Variants in RBM33 observed in about 807,000 individuals in gnomAD.
The protein encoded by RBM33 is RNA binding motif protein 33.
A neutral mutation model predicts 132.6 loss-of-function variants in RBM33; 28 were observed. That is an observed-to-expected ratio of 0.21 (90% CI 0.16 to 0.29). The LOEUF (loss-of-function observed/expected upper bound fraction) is 0.29, where lower values mean the gene tolerates loss of function less well. Ranked by LOEUF, RBM33 falls within the 10% of genes least tolerant of loss-of-function variation. RBM33 has a pLI of 1.00. For synonymous variants in RBM33, 634 were observed against 593.0 expected (o/e 1.07, Z -1.01); for missense variants, 1,291 against 1,518.5 (o/e 0.85, Z 2.49).
intron 16 of RBM33, among the ~76,000 whole-genome samples, chr7:155,771,221 T>A (rs1172545035): frequency 2.0e-5 from 3 of 152,214 alleles, no homozygotes; most frequent in African/African-American, 7.2e-5. Flanking sequence ...TGTGTAGACG[T>A]GTATATTTTC....
At chr7:155,758,349 T>C (rs551367990) in intron 14 of RBM33, among the ~76,000 whole-genome samples, 3 of 152,294 alleles carry the variant, frequency 2.0e-5, no homozygotes, top group Admixed American at 1.3e-4. Flanking sequence ...GAAGACAGTT[T>C]TTCCGTGGAC....
chr7:155,670,319 T>C (rs1798911714), intron 2 of RBM33, among the ~76,000 whole-genome samples: 1 of 152,248 alleles, frequency 6.6e-6, no homozygotes, highest in African/African-American at 2.4e-5. Context: ...CACTTACTGC[T>C]GCTGCCAGCC....
At chr7:155,762,340 A>C (rs1264571194) in intron 14 of RBM33, among the ~76,000 whole-genome samples, 1 of 152,196 alleles carries the variant, frequency 6.6e-6, no homozygotes, top group East Asian at 1.9e-4. Context: ...GGGGAACTTC[A>C]GGCCTTACTG....
intron 14 of RBM33, chr7:155,746,547 G>A (rs1801522254): frequency 1.3e-5 from 2 of 152,196 alleles, no homozygotes; most frequent in Admixed American, 1.3e-4. Flanking sequence ...GATAGGTTCA[G>A]TACTCTAAAA....
At chr7:155,704,262 AT>A (rs1322802063) in intron 6 of RBM33, among the ~76,000 whole-genome samples, 2 of 152,196 alleles carry the variant, frequency 1.3e-5, no homozygotes, top group African/African-American at 4.8e-5. Flanking sequence ...TAAGATCTTA[AT>A]TGACTAGCTT....
chr7:155,724,994 G>T (rs573715147), intron 9 of RBM33, among the ~76,000 whole-genome samples: 5,553 of 89,616 alleles, frequency 0.062, 118 homozygotes, highest in African/African-American at 0.2. Flanking sequence ...ACAGGTTTGT[G>T]TGTGTGTGTG....
At chr7:155,737,773 A>G (rs566471810) in intron 10 of RBM33, 111 bp downstream of exon 10, 1 of 1,254,462 alleles carries the variant, frequency 8.0e-7, no homozygotes, top group East Asian at 2.6e-5. Context: ...GATGTTAGGA[A>G]TGCCAGGTTT....
chr7:155,752,617 G>C (rs1801718493), intron 14 of RBM33, among the ~76,000 whole-genome samples: 1 of 152,196 alleles, frequency 6.6e-6, no homozygotes, highest in Non-Finnish European at 1.5e-5. Flanking sequence ...ACTGAGTTGA[G>C]AGCTGGGCAG....
At chr7:155,719,592 A>G (rs1800563196) in intron 9 of RBM33, among the ~76,000 whole-genome samples, 1 of 152,148 alleles carries the variant, frequency 6.6e-6, no homozygotes, top group Non-Finnish European at 1.5e-5. Context: ...ATTAGATGAT[A>G]TTTATTGGGT....
rs1276256770 is a variant in RBM33 at position 155,774,075 on chromosome 7, C to G, written c.3376-484C>G. 6.6e-6 allele frequency among the ~76,000 whole-genome samples: 1 copy of G among 152,230 alleles called. No homozygotes were observed. The highest frequency in any genetic ancestry group is 1.5e-5 in the Non-Finnish European group (1 of 68,046). On this transcript the variant is annotated intron_variant, in intron 16 of 17. Coordinates refer to ENST00000401878, the MANE Select transcript of RBM33 (RefSeq NM_053043.3). The surrounding 1 kb of genome is among the most constrained non-coding windows in gnomAD (Gnocchi z 4.2). ...CACCACTGCCCTCACCATGGCCCAG[C>G]CAGATGCACAGAGATGGTAGACTAG...
At chr7:155,714,008 G>C (rs1391278508) in intron 8 of RBM33, among the ~76,000 whole-genome samples, 3 of 152,014 alleles carry the variant, frequency 2.0e-5, no homozygotes, top group East Asian at 3.9e-4. Flanking sequence ...GAGCTAGAGT[G>C]GGGAGGTAGG....
chr7:155,728,609 C>CTTA (rs1800862115), intron 9 of RBM33, among the ~76,000 whole-genome samples: 1 of 152,110 alleles, frequency 6.6e-6, no homozygotes, highest in African/African-American at 2.4e-5. Context: ...ATTTCTTTTA[C>CTTA]TTATTAAAGC....
In RBM33 at chr7:155,742,000, C is replaced by T. The variant is rs371107776; in HGVS notation, c.2231C>T (p.Ser744Leu). ...CCTATCGTCAGCGCGTCACCACCCT[C>T]GCGGGCCGTGGCGGGTTCCAGAAGC... is the stretch of plus-strand genomic sequence containing the variant. ...VKPIVSASPP[S>L]RAVAGSRSSQ... is the part of the protein sequence containing the mutation. Residue 744 changes from serine (S) to leucine (L), a missense_variant, in exon 13 of 18, where the codon TCG becomes TTG. Physicochemically the swap from Ser to Leu is moderately radical, Grantham distance 145. Around this residue, in one of 7 missense-constraint regions of RBM33, gnomAD observed 841 missense variants for 912.0 expected, o/e 0.92. Coordinates refer to ENST00000401878, the MANE Select transcript of RBM33 (RefSeq NM_053043.3). 60 of 1,613,890 alleles carry T rather than the reference C, an allele frequency of 3.7e-5. No homozygotes were observed. The highest frequency in any genetic ancestry group is 1.6e-4 in the Middle Eastern group (1 of 6,084).
chr7:155,708,439 C>T (rs1186526392), intron 7 of RBM33, among the ~76,000 whole-genome samples: 3 of 152,168 alleles, frequency 2.0e-5, no homozygotes, highest in African/African-American at 7.2e-5. Context: ...AACTCTCATA[C>T]GAGGCCAGTG....
intron 6 of RBM33, among the ~76,000 whole-genome samples, chr7:155,706,530 G>A (rs937076349): frequency 1.3e-5 from 2 of 152,194 alleles, no homozygotes; most frequent in African/African-American, 4.8e-5. Flanking sequence ...ATGCCTTGTC[G>A]TGTGAGGGCA....
intron 5 of RBM33, among the ~76,000 whole-genome samples, chr7:155,694,939 G>T (rs1362291939): frequency 6.6e-6 from 1 of 152,136 alleles, no homozygotes; most frequent in African/African-American, 2.4e-5. Context: ...TGCTGAGACG[G>T]TCTAGAGGTA....
chr7:155,678,532 C>G, intron 3 of RBM33, 76 bp from the exon 4 acceptor site: 1 of 882,660 alleles, frequency 1.1e-6, no homozygotes, highest in Non-Finnish European at 1.8e-6. Flanking sequence ...ACAATTCAGT[C>G]AGTGTAATTT....
rs1801162758 is a variant in RBM33 at position 155,737,383 on chromosome 7, G to A, written c.1261-147G>A. On this transcript the variant is annotated intron_variant, in intron 9 of 17. Coordinates refer to ENST00000401878, the MANE Select transcript of RBM33 (RefSeq NM_053043.3). ...TGTGTGTGTGTGTGTGTGTGTGTGT[G>A]TGTAGAAAGAGAAAGACAGTGACTG... 5 of 667,584 alleles carry A rather than the reference G, an allele frequency of 7.5e-6. No individual in the cohort carries two copies. The South Asian group carries it at 8.7e-5, about 12-fold the overall frequency. 41.4% of individuals were successfully genotyped at this position (667,584 alleles called of 1,614,324 possible).
At chr7:155,674,983 TTTA>T (rs1322465935) in intron 3 of RBM33, among the ~76,000 whole-genome samples, 1 of 152,182 alleles carries the variant, frequency 6.6e-6, no homozygotes, top group Admixed American at 6.5e-5. Context: ...CCATCTGTCT[TTTA>T]TTCTTTTCCC....
Sources: allele counts gnomAD v4.1 joint callset (sites outside exome capture counted in the v4.1 genomes callset), GRCh38; gene constraint gnomAD v4.1.1; regional missense constraint gnomAD v4.1.1; non-coding constraint Gnocchi (gnomAD v3.1); transcripts MANE v1.5; gene names NCBI Gene and HGNC (gene_info 2026-07-23, HGNC 2026-07-21).